Variants in NMT2 observed in about 807,000 individuals in gnomAD.
NMT2 encodes glycylpeptide N-tetradecanoyltransferase 2.
A neutral mutation model predicts 65.4 loss-of-function variants in NMT2; 35 were observed. That is an observed-to-expected ratio of 0.54 (90% CI 0.41 to 0.71). The LOEUF (loss-of-function observed/expected upper bound fraction) is 0.71. Ranked by LOEUF, NMT2 falls within the 30% of genes least tolerant of loss-of-function variation. The probability of loss-of-function intolerance (pLI) is 0.00; values close to 1 mark genes in which losing one functional copy is unlikely to be tolerated. For synonymous variants in NMT2, 226 were observed against 231.8 expected (o/e 0.98, Z 0.23); for missense variants, 489 against 611.3 (o/e 0.80, Z 2.11).
intron 1 of NMT2, among the ~76,000 whole-genome samples, chr10:15,145,167 A>G (rs1179374433): frequency 6.6e-6 from 1 of 152,240 alleles, no homozygotes; most frequent in Non-Finnish European, 1.5e-5. Context: ...CATGTATTGT[A>G]TAATTCCATG....
At chr10:15,150,388 T>C (rs1461652475) in intron 1 of NMT2, among the ~76,000 whole-genome samples, 1 of 152,236 alleles carries the variant, frequency 6.6e-6, no homozygotes, top group Non-Finnish European at 1.5e-5. Flanking sequence ...AATTCCAGTA[T>C]GAGTTTCTTC....
In NMT2 at chr10:15,133,344, A is replaced by G. The variant is rs777462196; in HGVS notation, c.411T>C (p.His137=). Reference sequence around the variant, plus strand: ...TGTCTTTATCTGGTTCAATTGCACCATGAGATGTTATGACTTCATCTGAAC... The same window carrying G: ...TGTCTTTATCTGGTTCAATTGCACCGTGAGATGTTATGACTTCATCTGAAC... ...VPKLDEVITS[H]GAIEPDKDNV... is the part of the protein sequence containing the mutation. Residue 137 remains histidine, a synonymous_variant, in exon 4 of 12, where the codon CAT becomes CAC. Coordinates refer to ENST00000378165, the MANE Select transcript of NMT2 (RefSeq NM_004808.3). 6.2e-7 allele frequency: 1 copy of G among 1,612,210 alleles called. No individual in the cohort carries two copies. Among genetic ancestry groups the G allele is most frequent in the South Asian group, 1.1e-5 (1 of 91,026 alleles).
intron 1 of NMT2, among the ~76,000 whole-genome samples, chr10:15,144,568 A>G (rs1027124900): frequency 2.0e-5 from 3 of 152,122 alleles, no homozygotes; most frequent in Non-Finnish European, 4.4e-5. Flanking sequence ...CGTCTCTACT[A>G]AAAATACAAA....
chr10:15,147,260 AGTGGTTTG>A (rs1846999406), intron 1 of NMT2, among the ~76,000 whole-genome samples: 2 of 152,108 alleles, frequency 1.3e-5, no homozygotes, highest in Admixed American at 1.3e-4. Flanking sequence ...AAGAAACATT[AGTGGTTTG>A]AGACTAATTA....
At chr10:15,120,288 T>C (rs898376624) in intron 8 of NMT2, among the ~76,000 whole-genome samples, 1 of 152,040 alleles carries the variant, frequency 6.6e-6, no homozygotes, top group African/African-American at 2.4e-5. Flanking sequence ...TGAAACCCTG[T>C]CTCTACGAAA....
chr10:15,109,830 C>T lies in NMT2; in HGVS notation c.1348G>A (p.Asp450Asn). ...ATCAAATCCAGTGCATTGAATACAT[C>T]AAATCCTTTCTGCCAATTTAAAAAA... is the stretch of plus-strand genomic sequence containing the variant. ...ALILAKSKGF[D>N]VFNALDLMEN... Residue 450 changes from aspartate (D) to asparagine (N), a missense_variant, in exon 11 of 12, where the codon GAT (aspartate) becomes AAT (asparagine). Asp to Asn is a conservative substitution (Grantham distance 23, BLOSUM62 1). Transcript: ENST00000378165. 6.2e-7 allele frequency: 1 copy of T among 1,601,706 alleles called. No homozygotes were observed. Among genetic ancestry groups the T allele is most frequent in the Non-Finnish European group, 8.5e-7 (1 of 1,176,498 alleles).
intron 2 of NMT2, among the ~76,000 whole-genome samples, chr10:15,139,130 G>A (rs182835276): frequency 0.013 from 2,038 of 152,150 alleles, 20 homozygotes; most frequent in Non-Finnish European, 0.024. Flanking sequence ...TCCTGCCCTC[G>A]AACATCAGGC....
In NMT2 at chr10:15,132,757, T is replaced by C; in HGVS notation, c.719+60A>G. The C allele has an allele frequency of 4.7e-6, 6 of 1,275,214 alleles. No individual in the cohort carries two copies. In the Admixed American group the frequency reaches 1.2e-4, roughly 25 times the overall value. The allele number at this position is 1,275,214 out of a possible 1,614,324, so 79.0% of individuals were successfully genotyped here. On this transcript the variant is annotated intron_variant, in intron 6 of 11. Coordinates refer to ENST00000378165, the MANE Select transcript of NMT2 (RefSeq NM_004808.3). The stretch of plus-strand genomic sequence containing the variant: ...TTCAGTAACTTTTAAAGGCCTAATC[T>C]AATTGTAATTCTTAGAAAATAAACA...
At chr10:15,130,379 T>TA in intron 6 of NMT2, 67 bp from the exon 7 acceptor site, 1 of 1,191,650 alleles carries the variant, frequency 8.4e-7, no homozygotes, top group South Asian at 1.9e-5. Flanking sequence ...CAACACATTT[T>TA]AAAAAATAAG....
chr10:15,109,827 C>T lies in NMT2; in HGVS notation c.1351G>A (p.Val451Ile). Residue 451 changes from valine (V) to isoleucine (I), a missense_variant, in exon 11 of 12, where the codon GTA becomes ATA. Transcript: ENST00000378165. ...LILAKSKGFD[V>I]FNALDLMENK... Reference sequence around the variant, plus strand: ...TCCATCAAATCCAGTGCATTGAATACATCAAATCCTTTCTGCCAATTTAAA... The same window carrying T: ...TCCATCAAATCCAGTGCATTGAATATATCAAATCCTTTCTGCCAATTTAAA... 1 of 1,601,926 alleles carries T rather than the reference C, an allele frequency of 6.2e-7. No homozygotes were observed.
Position 15,163,322 on chromosome 10 carries a change from A to T in NMT2, c.110+5181T>A, listed in dbSNP as rs78696798. ...GAGTAGAACTTGGTTCTGTTAAAATAAAGTGATTTTAACTAGTATAGATGT... is the reference window on the plus strand; with the variant it reads ...GAGTAGAACTTGGTTCTGTTAAAATTAAGTGATTTTAACTAGTATAGATGT... On this transcript the variant is annotated intron_variant, in intron 1 of 11. Transcript: ENST00000378165. 2.4e-3 allele frequency among the ~76,000 whole-genome samples: 368 copies of T among 152,352 alleles called. 6 individuals carry two copies. The East Asian group carries it at 0.057, about 24-fold the overall frequency.
At chr10:15,137,471 G>A (rs527469961) in intron 2 of NMT2, among the ~76,000 whole-genome samples, 2 of 152,128 alleles carry the variant, frequency 1.3e-5, no homozygotes, top group African/African-American at 4.8e-5. Context: ...TTCCTTGGGT[G>A]TCTTTTAAGT....
intron 1 of NMT2, among the ~76,000 whole-genome samples, chr10:15,165,911 A>T (rs1021972504): frequency 1.3e-5 from 2 of 152,188 alleles, no homozygotes; most frequent in African/African-American, 4.8e-5. Context: ...TCCATGAAAA[A>T]CAAGATATAA....
intron 10 of NMT2, 114 bp downstream of exon 10, chr10:15,112,682 T>C (rs1426879907): frequency 9.6e-7 from 1 of 1,039,390 alleles, no homozygotes; most frequent in African/African-American, 1.6e-5. Context: ...AATAGTTTTT[T>C]TAAAGTCTCG....
chr10:15,108,007 T>C lies in NMT2; in HGVS notation c.*1188A>G. The C allele has an allele frequency of 2.0e-6, 2 of 985,836 alleles. No homozygotes were observed. Among genetic ancestry groups the C allele is most frequent in the Non-Finnish European group, 1.2e-6 (1 of 829,918 alleles). 61.1% of individuals were successfully genotyped at this position (985,836 alleles called of 1,614,324 possible). ...ATAGAGGAGTATGTGCAATTTTGCATAAGTAATAAAAACATTCAAACTATC... is the reference window on the plus strand; with the variant it reads ...ATAGAGGAGTATGTGCAATTTTGCACAAGTAATAAAAACATTCAAACTATC... On this transcript the variant is annotated 3_prime_UTR_variant, in exon 12 of 12. Coordinates refer to ENST00000378165, the MANE Select transcript of NMT2 (RefSeq NM_004808.3).
intron 6 of NMT2, 85 bp downstream of exon 6, chr10:15,132,732 T>C: frequency 1.0e-6 from 1 of 1,000,742 alleles, no homozygotes; most frequent in South Asian, 1.5e-5. Flanking sequence ...TTGGCCTGCA[T>C]TCAGTAACTT....
rs1400147176 is a variant in NMT2 at position 15,133,040 on chromosome 10, C to T, written c.602+13G>A. ...AGCGCCTATCCACGACATCTGTGAT[C>T]GATGAGACTTACCACAACAGGAACT... is the stretch of plus-strand genomic sequence containing the variant. On this transcript the variant is annotated intron_variant, in intron 5 of 11. Transcript: ENST00000378165. 11 of 1,610,494 alleles carry T rather than the reference C, an allele frequency of 6.8e-6. No individual in the cohort carries two copies. Among genetic ancestry groups the T allele is most frequent in the Non-Finnish European group, 5.9e-6 (7 of 1,176,888 alleles).
rs1301805797 is a variant in NMT2 at position 15,130,240 on chromosome 10, C to T, written c.792G>A (p.Val264=). The stretch of plus-strand genomic sequence containing the variant: ...CTCTTCTAGTGATCTCTCGGATTAG[C>T]ACTGGGGCTACCCGTTTCGATCTCA... The part of the protein sequence containing the change: ...KKLRSKRVAP[V]LIREITRRVN... The change falls in exon 7 of 12, where the codon GTG becomes GTA. Residue 264 remains valine, a synonymous_variant. Coordinates refer to ENST00000378165, the MANE Select transcript of NMT2 (RefSeq NM_004808.3). 1 of 1,609,450 alleles carries T rather than the reference C, an allele frequency of 6.2e-7. No homozygotes were observed.
At position 15,109,768 on chromosome 10, in the gene NMT2, A is replaced by T. The variant is rs1845445552; in HGVS notation, c.1410T>A (p.Gly470=). ...NKTFLEKLKF[G]IGDGNLQYYL... ...AATACTGCAAATTGCCATCTCCTAT[A>T]CCAAACTTGAGTTTTTCCAAGAATG... The change falls in exon 11 of 12, where the codon GGT becomes GGA. Residue 470 remains glycine, a synonymous_variant. Transcript: ENST00000378165. 1.9e-6 allele frequency: 3 copies of T among 1,613,768 alleles called. No individual in the cohort carries two copies. Among genetic ancestry groups the T allele is most frequent in the South Asian group, 2.2e-5 (2 of 91,064 alleles).
Sources: allele counts gnomAD v4.1 joint callset (sites outside exome capture counted in the v4.1 genomes callset), GRCh38; gene constraint gnomAD v4.1.1; transcripts MANE v1.5; gene names NCBI Gene and HGNC (gene_info 2026-07-23, HGNC 2026-07-21).